ATXN7: variants seen among roughly 807,000 people sequenced by gnomAD.
ATXN7 encodes the protein ataxin-7.
In ATXN7, 12 loss-of-function variants were observed where a neutral mutation model predicts 70.5. The ratio of observed to expected loss-of-function variants is 0.17; its 90% CI spans 0.11 to 0.28. The LOEUF (loss-of-function observed/expected upper bound fraction) is 0.28. ATXN7 is among the 10% of genes least tolerant of loss of function. The pLI is 1.00. For missense variants in ATXN7, 1,256 were observed against 1,131.7 expected (o/e 1.11, Z -1.58); for synonymous variants, 498 against 448.7 (o/e 1.11, Z -1.39).
At chr3:63,973,142 C>A (rs919209165) in intron 5 of ATXN7, among the ~76,000 whole-genome samples, 2 of 152,176 alleles carry the variant, frequency 1.3e-5, no homozygotes, top group African/African-American at 4.8e-5. Context: ...TAGTAACTGG[C>A]AGAGCAAGGA....
chr3:63,871,107 T>C (rs1702580041), intron 1 of ATXN7, among the ~76,000 whole-genome samples: 1 of 152,198 alleles, frequency 6.6e-6, no homozygotes, highest in Admixed American at 6.5e-5. Flanking sequence ...CAACATTCTC[T>C]ACTGATTTGC....
intron 5 of ATXN7, among the ~76,000 whole-genome samples, chr3:63,970,409 A>C (rs1035496708): frequency 6.6e-6 from 1 of 150,414 alleles, no homozygotes; most frequent in African/African-American, 2.5e-5. Flanking sequence ...TTTGAAAGAC[A>C]AAAAAAAAGG....
rs151305070 is a variant in ATXN7 at position 63,987,411 on chromosome 3, T to C, written c.1096-648T>C. Among the ~76,000 whole-genome samples, 488 of 152,326 alleles carry C rather than the reference T, an allele frequency of 3.2e-3. 3 individuals carry two copies. Among genetic ancestry groups the C allele is most frequent in the African/African-American group, 0.011 (469 of 41,568 alleles). On this transcript the variant is annotated intron_variant, in intron 8 of 12. Transcript: ENST00000674280. ...CCTTAATTTCCATAGCCAGTGTCTA[T>C]CTATAGGGATTACTTTGTCTCCCTT...
intron 4 of ATXN7, among the ~76,000 whole-genome samples, chr3:63,926,682 T>C (rs1226726428): frequency 2.0e-5 from 3 of 152,174 alleles, no homozygotes; most frequent in African/African-American, 7.2e-5. Context: ...TTCTTGCATA[T>C]GCTCTTCCCA....
At chr3:63,872,951 A>G (rs1702641316) in intron 1 of ATXN7, among the ~76,000 whole-genome samples, 1 of 152,068 alleles carries the variant, frequency 6.6e-6, no homozygotes, top group African/African-American at 2.4e-5. Flanking sequence ...GTTAAGGAAA[A>G]TTTATGTCTA....
At chr3:63,908,721 T>A (rs148594799) in intron 2 of ATXN7, among the ~76,000 whole-genome samples, 43 of 152,344 alleles carry the variant, frequency 2.8e-4, no homozygotes, top group African/African-American at 1.0e-3. Flanking sequence ...GTAGGAAAGG[T>A]CAACTTTTTG....
intron 2 of ATXN7, chr3:63,903,823 G>A (rs761447887): frequency 1.3e-5 from 2 of 152,216 alleles, no homozygotes; most frequent in Non-Finnish European, 2.9e-5. Flanking sequence ...GAGGAATGCT[G>A]TGGCTGGTGG....
intron 2 of ATXN7, among the ~76,000 whole-genome samples, chr3:63,910,263 C>G (rs1257239045): frequency 1.3e-5 from 2 of 152,154 alleles, no homozygotes; most frequent in Admixed American, 1.3e-4. Context: ...TCATGTTTGC[C>G]ATTCTCCTTA....
chr3:63,907,764 A>G (rs1429596017), intron 2 of ATXN7, among the ~76,000 whole-genome samples: 1 of 151,792 alleles, frequency 6.6e-6, no homozygotes, highest in Non-Finnish European at 1.5e-5. Context: ...CCTTTTCTAT[A>G]ACTTGAAACT....
At chr3:63,975,647 C>A (rs2075378130) in intron 5 of ATXN7, among the ~76,000 whole-genome samples, 1 of 151,924 alleles carries the variant, frequency 6.6e-6, no homozygotes, top group African/African-American at 2.4e-5. Context: ...TTGGTGTGTA[C>A]CTGGATGTTA....
intron 1 of ATXN7, among the ~76,000 whole-genome samples, chr3:63,888,190 A>G (rs1427060958): frequency 6.6e-6 from 1 of 152,214 alleles, no homozygotes; most frequent in Non-Finnish European, 1.5e-5. Flanking sequence ...ATTTAATAAT[A>G]TGAATTGAAT....
intron 4 of ATXN7, among the ~76,000 whole-genome samples, chr3:63,951,136 G>A (rs997298491): frequency 1.3e-5 from 2 of 152,078 alleles, no homozygotes; most frequent in Non-Finnish European, 2.9e-5. Flanking sequence ...GGTGCTGCAA[G>A]TACATCCCCA....
chr3:63,934,861 G>A (rs2074628680), intron 4 of ATXN7, among the ~76,000 whole-genome samples: 1 of 152,152 alleles, frequency 6.6e-6, no homozygotes. Context: ...ATTCTTTATT[G>A]TGAGAGAATG....
At chr3:63,962,343 T>C (rs771554937) in intron 5 of ATXN7, among the ~76,000 whole-genome samples, 10 of 152,080 alleles carry the variant, frequency 6.6e-5, no homozygotes, top group African/African-American at 1.9e-4. Context: ...AAATAAACTT[T>C]GGAATGAAAT....
At chr3:63,876,745 A>G (rs529118700) in intron 1 of ATXN7, among the ~76,000 whole-genome samples, 43 of 152,316 alleles carry the variant, frequency 2.8e-4, no homozygotes, top group African/African-American at 9.4e-4. Context: ...TCTCTTTTCC[A>G]TAAATCTGGT....
chr3:63,903,064 C>G (rs1417745706), intron 2 of ATXN7, among the ~76,000 whole-genome samples: 3 of 151,708 alleles, frequency 2.0e-5, no homozygotes, highest in Non-Finnish European at 2.9e-5. Flanking sequence ...TTATCATCAT[C>G]ATCATCATCA....
At chr3:63,887,887 T>G (rs1242063457) in intron 1 of ATXN7, among the ~76,000 whole-genome samples, 1 of 152,080 alleles carries the variant, frequency 6.6e-6, no homozygotes, top group Non-Finnish European at 1.5e-5. Flanking sequence ...TCTTCTTTTT[T>G]TTTTTTTTTA....
chr3:63,865,698 C>T (rs1299278602), intron 1 of ATXN7, among the ~76,000 whole-genome samples: 2 of 150,978 alleles, frequency 1.3e-5, no homozygotes, highest in Admixed American at 6.6e-5. Flanking sequence ...GAGACCATCC[C>T]GGCTAAAACG....
Position 63,919,977 on chromosome 3 carries a change from C to T in ATXN7, c.394+6752C>T, listed in dbSNP as rs1056672504. Among the ~76,000 whole-genome samples, 5 of 152,042 alleles carry T rather than the reference C, an allele frequency of 3.3e-5. No homozygotes were observed. The East Asian group carries it at 7.8e-4, about 24-fold the overall frequency. On this transcript the variant is annotated intron_variant, in intron 4 of 12. Coordinates refer to ENST00000674280, the MANE Select transcript of ATXN7 (RefSeq NM_001377405.1). The stretch of plus-strand genomic sequence containing the variant: ...AATTTCCATTCAAATTCTCCAGAAT[C>T]GCTGCCCCTGAGCTGGTTTAGAGAA...
Sources: allele counts gnomAD v4.1 joint callset (sites outside exome capture counted in the v4.1 genomes callset), GRCh38; gene constraint gnomAD v4.1.1; transcripts MANE v1.5; gene names NCBI Gene and HGNC (gene_info 2026-07-23, HGNC 2026-07-21).